The following RAX2 variants were observed in gnomAD, a reference collection of about 807,000 sequenced individuals.
RAX2 encodes the protein retina and anterior neural fold homeobox protein 2.
In RAX2, 4 loss-of-function variants were observed where a neutral mutation model predicts 5.8. That is an observed-to-expected ratio of 0.69 (90% CI 0.34 to 1.58). The LOEUF is 1.58. RAX2 is among the 40% of genes most tolerant of loss of function. The pLI is 0.05. For missense variants in RAX2, 275 were observed against 271.4 expected (o/e 1.01, Z -0.09); for synonymous variants, 133 against 128.8 (o/e 1.03, Z -0.22).
In RAX2 at chr19:3,771,699, C is replaced by T; in HGVS notation, c.44G>A (p.Gly15Asp). The change falls in exon 2 of 3, where the codon GGT becomes GAT. Residue 15 changes from glycine to aspartate, a missense_variant. By Grantham distance (94) the Gly-to-Asp change is moderately conservative. Coordinates refer to ENST00000555633, the MANE Select transcript of RAX2 (RefSeq NM_001319074.4). This position sits in a 1 kb window ranked among gnomAD's most constrained non-coding sequence, Gnocchi z 4.2. ...GGGGGCCTCCTCGCCCGGCCCCAGACCCCCACCCTCGGTTGCCGGCCCCTC... is the reference window on the plus strand; with the variant it reads ...GGGGGCCTCCTCGCCCGGCCCCAGATCCCCACCCTCGGTTGCCGGCCCCTC... ...PGEGPATEGG[G>D]LGPGEEAPKK... is the part of the protein sequence containing the mutation. The T allele has an allele frequency of 1.2e-6, 2 of 1,611,290 alleles. No individual in the cohort carries two copies. Among genetic ancestry groups the T allele is most frequent in the Non-Finnish European group, 1.7e-6 (2 of 1,179,698 alleles).
Position 3,771,961 on chromosome 19 carries a change from T to C in RAX2, c.-219A>G. ...CTCTGTCTGCTCTTCCTTCTCTCTG[T>C]GTGTGTCACCGTCCCTGTTTTCTCT... On this transcript the variant is annotated 5_prime_UTR_variant, in exon 2 of 3. Transcript: ENST00000555633. The surrounding 1 kb of genome is among the most constrained non-coding windows in gnomAD (Gnocchi z 4.2). 1 of 793,710 alleles carries C rather than the reference T, an allele frequency of 1.3e-6. No homozygotes were observed. The highest frequency in any genetic ancestry group is 1.8e-5 in the South Asian group (1 of 54,672). The allele number at this position is 793,710 out of a possible 1,614,324, so 49.2% of individuals were successfully genotyped here. A position where few individuals can be genotyped will look rare whatever the true frequency, so the allele number is the denominator to read the frequency against.
Position 3,769,510 on chromosome 19 carries a change from C to T in RAX2, c.*1111G>A, listed in dbSNP as rs2037227239. 1 of 152,556 alleles carries T rather than the reference C, an allele frequency of 6.6e-6. No individual in the cohort carries two copies. Among genetic ancestry groups the T allele is most frequent in the Non-Finnish European group, 1.5e-5 (1 of 68,310 alleles). 9.5% of individuals were successfully genotyped at this position (152,556 alleles called of 1,614,324 possible). A position where few individuals can be genotyped will look rare whatever the true frequency, so the allele number is the denominator to read the frequency against. ...ACAGGACTGGTGTGTGAGGTGCCGC[C>T]TAGAGATGGGGTGACCTGGTGATCT... On this transcript the variant is annotated 3_prime_UTR_variant, in exon 3 of 3. Transcript: ENST00000555633.
Position 3,771,924 on chromosome 19 carries a change from C to G in RAX2, c.-182G>C. 8.6e-7 allele frequency: 1 copy of G among 1,156,568 alleles called. No homozygotes were observed. The highest frequency in any genetic ancestry group is 1.2e-6 in the Non-Finnish European group (1 of 844,370). The allele number at this position is 1,156,568 out of a possible 1,614,324, so 71.6% of individuals were successfully genotyped here. A position where few individuals can be genotyped will look rare whatever the true frequency, so the allele number is the denominator to read the frequency against. On this transcript the variant is annotated 5_prime_UTR_variant, in exon 2 of 3. Coordinates refer to ENST00000555633, the MANE Select transcript of RAX2 (RefSeq NM_001319074.4). The surrounding 1 kb of genome is among the most constrained non-coding windows in gnomAD (Gnocchi z 4.2). ...CTGTCCTCCTCGGGCTTGGGGGGGT[C>G]TCCTGCTGTGCCTCTGTCTGCTCTT...
Position 3,771,915 on chromosome 19 carries a change from TG to T in RAX2, c.-174del, listed in dbSNP as rs34586885. ...ATCCCCAGGCTGTCCTCCTCGGGCT[TG>T]GGGGGGTCTCCTGCTGTGCCTCTGT... On this transcript the variant is annotated 5_prime_UTR_variant, in exon 2 of 3. Coordinates refer to ENST00000555633, the MANE Select transcript of RAX2 (RefSeq NM_001319074.4). This position sits in a 1 kb window ranked among gnomAD's most constrained non-coding sequence, Gnocchi z 4.2. 1.3e-5 allele frequency: 17 copies of T among 1,264,392 alleles called. No homozygotes were observed. The highest frequency in any genetic ancestry group is 1.2e-4 in the South Asian group (8 of 64,188). The allele number at this position is 1,264,392 out of a possible 1,614,324, so 78.3% of individuals were successfully genotyped here. A position where few individuals can be genotyped will look rare whatever the true frequency, so the allele number is the denominator to read the frequency against.
chr19:3,770,094 G>T lies in RAX2; in HGVS notation c.*527C>A, dbSNP rs1242900798. 1.9e-5 allele frequency: 3 copies of T among 155,276 alleles called. No homozygotes were observed. The highest frequency in any genetic ancestry group is 3.1e-3 in the Middle Eastern group (1 of 322). 9.6% of individuals were successfully genotyped at this position (155,276 alleles called of 1,614,324 possible). ...GAGGTCCAGGGCACAACGGAGAGGG[G>T]AGTGCTCACATGGCGAGCACACGGT... On this transcript the variant is annotated 3_prime_UTR_variant, in exon 3 of 3. Transcript: ENST00000555633.
rs534656129 is a variant in RAX2, at chr19:3,770,689, C to T, written c.487G>A (p.Glu163Lys). ...PTFADGFALE[E>K]ASLRLLAKEH... ...TTGGCCAGCAGCCGCAGGGACGCCT[C>T]CTCCAGGGCGAAGCCATCTGCGAAG... Residue 163 changes from glutamate (E) to lysine (K), a missense_variant, in exon 3 of 3, where the codon GAG becomes AAG. By Grantham distance (56) the Glu-to-Lys change is moderately conservative. Transcript: ENST00000555633. 1.7e-5 allele frequency: 26 copies of T among 1,535,740 alleles called. No individual in the cohort carries two copies. The highest frequency in any genetic ancestry group is 2.4e-5 in the East Asian group (1 of 40,882).
chr19:3,772,015 G>A lies in RAX2; in HGVS notation c.-268-5C>T, dbSNP rs2037270690. 1 of 548,234 alleles carries A rather than the reference G, an allele frequency of 1.8e-6. No individual in the cohort carries two copies. The allele number at this position is 548,234 out of a possible 1,614,324, so 34.0% of individuals were successfully genotyped here. The stretch of plus-strand genomic sequence containing the variant: ...CCTCTCTGTGACTGTCACGGCCTGT[G>A]TGTGTGTGTGTCGGCGGGGGGGGGT... On this transcript the variant is annotated splice_region_variant and splice_polypyrimidine_tract_variant and intron_variant, in intron 1 of 2. Transcript: ENST00000555633.
rs891425007 is a variant in RAX2 at position 3,770,120 on chromosome 19, G to A, written c.*501C>T. ...AGTGCTCACATGGCGAGCACACGGT[G>A]AGAGGAGACCAGGCTCGCGGGAGCT... On this transcript the variant is annotated 3_prime_UTR_variant, in exon 3 of 3. Transcript: ENST00000555633. 17 of 159,904 alleles carry A rather than the reference G, an allele frequency of 1.1e-4. No individual in the cohort carries two copies. Among genetic ancestry groups the A allele is most frequent in the African/African-American group, 1.7e-4 (7 of 41,544 alleles). 9.9% of individuals were successfully genotyped at this position (159,904 alleles called of 1,614,324 possible).
Position 3,771,932 on chromosome 19 carries a change from G to A in RAX2, c.-190C>T. On this transcript the variant is annotated 5_prime_UTR_variant, in exon 2 of 3. Transcript: ENST00000555633. The surrounding 1 kb of genome is among the most constrained non-coding windows in gnomAD (Gnocchi z 4.2). ...CTCGGGCTTGGGGGGGTCTCCTGCT[G>A]TGCCTCTGTCTGCTCTTCCTTCTCT... 2 of 1,069,846 alleles carry A rather than the reference G, an allele frequency of 1.9e-6. No homozygotes were observed. Among genetic ancestry groups the A allele is most frequent in the South Asian group, 1.7e-5 (1 of 60,174 alleles). 66.3% of individuals were successfully genotyped at this position (1,069,846 alleles called of 1,614,324 possible). A position where few individuals can be genotyped will look rare whatever the true frequency, so the allele number is the denominator to read the frequency against.
rs2037229660 is a variant in RAX2, at chr19:3,769,748, C to CTCTT, written c.*872_*873insAAGA. Reference sequence around the variant, plus strand: ...AGCCTCCTTGCTCAGAGCTCTTGGGCGATGCGGCTGGGTTGGACAGAGCAG... The same window carrying CTCTT: ...AGCCTCCTTGCTCAGAGCTCTTGGGCTCTTGATGCGGCTGGGTTGGACAGAGCAG... On this transcript the variant is annotated 3_prime_UTR_variant, in exon 3 of 3. Transcript: ENST00000555633. The CTCTT allele has an allele frequency of 1.3e-5, 2 of 153,632 alleles. No homozygotes were observed. Among genetic ancestry groups the CTCTT allele is most frequent in the Non-Finnish European group, 1.4e-5 (1 of 69,174 alleles). 9.5% of individuals were successfully genotyped at this position (153,632 alleles called of 1,614,324 possible). A position where few individuals can be genotyped will look rare whatever the true frequency, so the allele number is the denominator to read the frequency against.
chr19:3,771,783 G>C lies in RAX2; in HGVS notation c.-41C>G. 5 of 1,542,904 alleles carry C rather than the reference G, an allele frequency of 3.2e-6. No homozygotes were observed. The highest frequency in any genetic ancestry group is 4.4e-6 in the Non-Finnish European group (5 of 1,146,774). ...GGACGGCAGCGGGACAGATGGTGGG[G>C]AGACGGCTGGGGGGGCTACCGGCAG... On this transcript the variant is annotated 5_prime_UTR_variant, in exon 2 of 3. Transcript: ENST00000555633. This position sits in a 1 kb window ranked among gnomAD's most constrained non-coding sequence, Gnocchi z 4.2.
Position 3,771,798 on chromosome 19 carries a change from GC to G in RAX2, c.-57del. On this transcript the variant is annotated 5_prime_UTR_variant, in exon 2 of 3. It removes the in-frame stop codon of an upstream open reading frame in the 5' UTR. Coordinates refer to ENST00000555633, the MANE Select transcript of RAX2 (RefSeq NM_001319074.4). This position sits in a 1 kb window ranked among gnomAD's most constrained non-coding sequence, Gnocchi z 4.2. The stretch of plus-strand genomic sequence containing the variant: ...AGATGGTGGGGAGACGGCTGGGGGG[GC>G]TACCGGCAGGGACAGGGCAGGGGAG... The G allele has an allele frequency of 6.6e-7, 1 of 1,522,468 alleles. No individual in the cohort carries two copies. The highest frequency in any genetic ancestry group is 8.8e-7 in the Non-Finnish European group (1 of 1,136,172). The allele number at this position is 1,522,468 out of a possible 1,614,324, so 94.3% of individuals were successfully genotyped here.
In RAX2 at chr19:3,771,738, A is replaced by G; in HGVS notation, c.5T>C (p.Phe2Ser). The G allele has an allele frequency of 6.3e-7, 1 of 1,599,592 alleles. No individual in the cohort carries two copies. Among genetic ancestry groups the G allele is most frequent in the Non-Finnish European group, 8.5e-7 (1 of 1,176,644 alleles). Reference protein sequence around the residue: MFLSPGEGPATE... With the variant: MSLSPGEGPATE... The stretch of plus-strand genomic sequence containing the variant: ...TGCCGGCCCCTCGCCCGGGCTCAGG[A>G]ACATGGCTCCCACCTGGTGGGACGG... The change falls in exon 2 of 3, where the codon TTC becomes TCC. Residue 2 changes from phenylalanine to serine, a missense_variant. Transcript: ENST00000555633. This position sits in a 1 kb window ranked among gnomAD's most constrained non-coding sequence, Gnocchi z 4.2.
rs115886593 is a variant in RAX2, at chr19:3,771,775, A to G, written c.-33T>C. 1,835 of 1,556,966 alleles carry G rather than the reference A, an allele frequency of 1.2e-3. 16 individuals carry two copies. The African/African-American group carries it at 0.022, about 19-fold the overall frequency. On this transcript the variant is annotated 5_prime_UTR_variant, in exon 2 of 3. Coordinates refer to ENST00000555633, the MANE Select transcript of RAX2 (RefSeq NM_001319074.4). This position sits in a 1 kb window ranked among gnomAD's most constrained non-coding sequence, Gnocchi z 4.2. ...ACCTGGTGGGACGGCAGCGGGACAG[A>G]TGGTGGGGAGACGGCTGGGGGGGCT...
At position 3,770,792 on chromosome 19, in the gene RAX2, G is replaced by A. The variant is rs1195021627; in HGVS notation, c.384C>T (p.Ala128=). Reference sequence around the variant, plus strand: ...CCAGGAGGCGGGGGAGGCCTGGCACGGCCGGCGGTCCGGGGCCCAACCAGG... The same window carrying A: ...CCAGGAGGCGGGGGAGGCCTGGCACAGCCGGCGGTCCGGGGCCCAACCAGG... ...LEPWLGPGPP[A]VPGLPRLLGP... The change falls in exon 3 of 3, where the codon GCC becomes GCT. Residue 128 remains alanine (A), a synonymous_variant. Transcript: ENST00000555633. 1.2e-5 allele frequency: 19 copies of A among 1,520,630 alleles called. No individual in the cohort carries two copies. The highest frequency in any genetic ancestry group is 7.5e-5 in the East Asian group (3 of 39,890). The allele number at this position is 1,520,630 out of a possible 1,614,324, so 94.2% of individuals were successfully genotyped here. A position where few individuals can be genotyped will look rare whatever the true frequency, so the allele number is the denominator to read the frequency against.
In RAX2 at chr19:3,771,895, C is replaced by T; in HGVS notation, c.-153G>A. On this transcript the variant is annotated 5_prime_UTR_variant, in exon 2 of 3. Transcript: ENST00000555633. The surrounding 1 kb of genome is among the most constrained non-coding windows in gnomAD (Gnocchi z 4.2). ...GGGGCCGGCATGCGCTCTGCATCCC[C>T]AGGCTGTCCTCCTCGGGCTTGGGGG... is the stretch of plus-strand genomic sequence containing the variant. The T allele has an allele frequency of 7.1e-7, 1 of 1,413,174 alleles. No homozygotes were observed. Among genetic ancestry groups the T allele is most frequent in the Non-Finnish European group, 9.3e-7 (1 of 1,076,682 alleles). The allele number at this position is 1,413,174 out of a possible 1,614,324, so 87.5% of individuals were successfully genotyped here.
In RAX2 at chr19:3,771,587, C is replaced by T. The variant is rs141804618; in HGVS notation, c.156G>A (p.Pro52=). 1,252 of 1,610,780 alleles carry T rather than the reference C, an allele frequency of 7.8e-4. 3 individuals carry two copies. Among genetic ancestry groups the T allele is most frequent in the Non-Finnish European group, 9.7e-4 (1,146 of 1,178,878 alleles). Residue 52 remains proline (P), a synonymous_variant, in exon 2 of 3, where the codon CCG becomes CCA. Transcript: ENST00000555633. This position sits in a 1 kb window ranked among gnomAD's most constrained non-coding sequence, Gnocchi z 4.2. ...LERAFEASHY[P]DVYSREELAA... Reference sequence around the variant, plus strand: ...CCAGCTCCTCACGGCTGTACACATCCGGGTAGTGAGAGGCCTCGAACGCCC... The same window carrying T: ...CCAGCTCCTCACGGCTGTACACATCTGGGTAGTGAGAGGCCTCGAACGCCC...
rs761354182 is a variant in RAX2, at chr19:3,771,323, C to T, written c.216+204G>A. On this transcript the variant is annotated intron_variant, in intron 2 of 2. Transcript: ENST00000555633. This position sits in a 1 kb window ranked among gnomAD's most constrained non-coding sequence, Gnocchi z 4.2. The stretch of plus-strand genomic sequence containing the variant: ...CTTAACCCCTCCATGTCTTTGCACA[C>T]ACTGTTCAGGATGCCTAGAAAAACT... Among the ~76,000 whole-genome samples, 1 of 152,206 alleles carries T rather than the reference C, an allele frequency of 6.6e-6. No individual in the cohort carries two copies. The highest frequency in any genetic ancestry group is 2.4e-5 in the African/African-American group (1 of 41,454).
chr19:3,771,500 GAT>G lies in RAX2; in HGVS notation c.216+25_216+26del, dbSNP rs1555745750. ...TTGCCTCCCTCCCCAGGTTGCAAAA[GAT>G]GTGTGTGTTGGGGGGTGCCCTCACC... On this transcript the variant is annotated intron_variant, in intron 2 of 2. Transcript: ENST00000555633. This position sits in a 1 kb window ranked among gnomAD's most constrained non-coding sequence, Gnocchi z 4.2. 6.4e-7 allele frequency: 1 copy of G among 1,551,488 alleles called. No homozygotes were observed. The highest frequency in any genetic ancestry group is 8.8e-7 in the Non-Finnish European group (1 of 1,141,804).
Sources: gnomAD v4.1 joint callset for allele counts (sites outside exome capture counted in the v4.1 genomes callset) on GRCh38, gnomAD v4.1.1 for gene constraint, Gnocchi (gnomAD v3.1) non-coding constraint, MANE v1.5 for transcripts, NCBI Gene and HGNC (gene_info 2026-07-23, HGNC 2026-07-21) for gene names.